Variants in SLC23A2 observed in about 807,000 individuals in gnomAD.
SLC23A2 encodes Na(+)/L-ascorbic acid transporter 2.
SLC23A2 carries 36 observed loss-of-function variants against 73.3 expected under a neutral mutation model. The ratio of observed to expected loss-of-function variants is 0.49; its 90% CI spans 0.38 to 0.65. SLC23A2 has a LOEUF of 0.65. Among genes scored for constraint, SLC23A2 ranks in the 30% least tolerant of loss-of-function variants. SLC23A2 has a pLI of 0.00. For missense variants in SLC23A2, 507 were observed against 841.6 expected, an observed-to-expected ratio of 0.60 and a Z score of 4.92; for synonymous variants, 343 against 327.3, an observed-to-expected ratio of 1.05 and a Z score of -0.52.
chr20:4,958,756 T>C (rs1486253836), intron 2 of SLC23A2, among the ~76,000 whole-genome samples: 2 of 152,094 alleles, frequency 1.3e-5, no homozygotes, highest in African/African-American at 4.8e-5. Context: ...CGCTGTACTA[T>C]ACCATCTCTT....
At chr20:4,882,876 G>C (rs554804379) in intron 9 of SLC23A2, among the ~76,000 whole-genome samples, 64 of 152,280 alleles carry the variant, frequency 4.2e-4, no homozygotes, top group African/African-American at 1.4e-3. Flanking sequence ...TTTAGGAGTT[G>C]TACTGGCTGG....
At chr20:4,963,576 G>C (rs551127605) in intron 2 of SLC23A2, among the ~76,000 whole-genome samples, 4 of 152,064 alleles carry the variant, frequency 2.6e-5, no homozygotes, top group Non-Finnish European at 2.9e-5. Flanking sequence ...GACCAGGCAC[G>C]GTGGCTCACG....
intron 1 of SLC23A2, among the ~76,000 whole-genome samples, chr20:4,978,452 C>T (rs1312801092): frequency 6.6e-6 from 1 of 152,124 alleles, no homozygotes; most frequent in African/African-American, 2.4e-5. Flanking sequence ...GAACTCAAAA[C>T]GAGGACGACC....
Position 4,995,655 on chromosome 20 carries a change from T to A in SLC23A2, c.-282+5751A>T, listed in dbSNP as rs2088007032. 2.0e-5 allele frequency among the ~76,000 whole-genome samples: 3 copies of A among 152,160 alleles called. No individual in the cohort carries two copies. The South Asian group carries it at 6.2e-4, about 31-fold the overall frequency. ...TTCTATCCCAAGTCCCCAAAAGTCA[T>A]CCTGGAACACAGCATGATTAGAGTC... On this transcript the variant is annotated intron_variant, in intron 1 of 16. Coordinates refer to ENST00000338244, the MANE Select transcript of SLC23A2 (RefSeq NM_005116.6).
rs1025230844 is a variant in SLC23A2 at position 4,928,535 on chromosome 20, T to G, written c.108+3920A>C. ...GACACCAAATCATCCTGGGAGCTCATGTTTGGACTCTCTGCCATCTCTATC... is the reference window on the plus strand; with the variant it reads ...GACACCAAATCATCCTGGGAGCTCAGGTTTGGACTCTCTGCCATCTCTATC... On this transcript the variant is annotated intron_variant, in intron 3 of 16. Coordinates refer to ENST00000338244, the MANE Select transcript of SLC23A2 (RefSeq NM_005116.6). Among the ~76,000 whole-genome samples the G allele has an allele frequency of 3.3e-5, 5 of 152,202 alleles. No individual in the cohort carries two copies. In the East Asian group the frequency reaches 9.6e-4, roughly 29 times the overall value.
chr20:4,992,497 T>C (rs1600213631), intron 1 of SLC23A2, among the ~76,000 whole-genome samples: 2 of 133,696 alleles, frequency 1.5e-5, no homozygotes, highest in Middle Eastern at 7.5e-3. Context: ...TAAAAAAAGA[T>C]TGACAGTTTT....
At position 4,947,008 on chromosome 20, in the gene SLC23A2, C is replaced by T. The variant is rs985321319; in HGVS notation, c.-154-14292G>A. Among the ~76,000 whole-genome samples the T allele has an allele frequency of 2.0e-5, 3 of 152,210 alleles. No individual in the cohort carries two copies. The highest frequency in any genetic ancestry group is 4.8e-5 in the African/African-American group (2 of 41,452). ...ATTATAACAAGACCATCTTAAGCCT[C>T]GTCATCCTGGCCATTTCTCCTCAGT... On this transcript the variant is annotated intron_variant, in intron 2 of 16. Coordinates refer to ENST00000338244, the MANE Select transcript of SLC23A2 (RefSeq NM_005116.6). This position sits in a 1 kb window ranked among gnomAD's most constrained non-coding sequence, Gnocchi z 4.4.
At chr20:4,875,879 T>C (rs1930635657) in intron 9 of SLC23A2, among the ~76,000 whole-genome samples, 1 of 152,216 alleles carries the variant, frequency 6.6e-6, no homozygotes, top group Non-Finnish European at 1.5e-5. Context: ...GTTCCAATTG[T>C]TGAGATGGAA....
chr20:4,925,728 C>T (rs1057214182), intron 3 of SLC23A2, among the ~76,000 whole-genome samples: 6 of 152,222 alleles, frequency 3.9e-5, no homozygotes, highest in Admixed American at 6.5e-5. Context: ...CTGTACTCTG[C>T]ACTAAACTTG....
intron 7 of SLC23A2, among the ~76,000 whole-genome samples, chr20:4,885,496 G>T (rs1199612140): frequency 6.6e-6 from 1 of 152,106 alleles, no homozygotes; most frequent in Admixed American, 6.5e-5. Flanking sequence ...ATTACTGGTG[G>T]GTCATAAAAT....
At chr20:4,915,613 G>A (rs1345725412) in intron 3 of SLC23A2, among the ~76,000 whole-genome samples, 2 of 152,158 alleles carry the variant, frequency 1.3e-5, no homozygotes, top group Non-Finnish European at 2.9e-5. Context: ...TCTCATTCAA[G>A]GTCATACAGA....
In SLC23A2 at chr20:4,895,917, G is replaced by A. The variant is rs563142076; in HGVS notation, c.482+3638C>T. ...GGATGGGAACAGCGCATATGCTCAC[G>A]GAGGAGTTGGCCATTTGGGGATTTC... On this transcript the variant is annotated intron_variant, in intron 6 of 16. Coordinates refer to ENST00000338244, the MANE Select transcript of SLC23A2 (RefSeq NM_005116.6). Among the ~76,000 whole-genome samples, 9 of 152,288 alleles carry A rather than the reference G, an allele frequency of 5.9e-5. No homozygotes were observed. In the East Asian group the frequency reaches 1.2e-3, roughly 20 times the overall value.
chr20:4,909,323 G>A (rs931747050), intron 4 of SLC23A2, among the ~76,000 whole-genome samples: 3 of 152,130 alleles, frequency 2.0e-5, no homozygotes, highest in Non-Finnish European at 4.4e-5. Flanking sequence ...TTCAGATATT[G>A]GAACATTGCA....
At chr20:4,991,857 AG>A (rs1467521411) in intron 1 of SLC23A2, among the ~76,000 whole-genome samples, 2 of 152,172 alleles carry the variant, frequency 1.3e-5, no homozygotes, top group African/African-American at 4.8e-5. Flanking sequence ...AAAGATGACA[AG>A]TCTCCCCAAA....
At chr20:4,908,936 A>G (rs1310580901) in intron 4 of SLC23A2, among the ~76,000 whole-genome samples, 1 of 152,188 alleles carries the variant, frequency 6.6e-6, no homozygotes, top group East Asian at 1.9e-4. Flanking sequence ...TATCTCAAAA[A>G]ACATTGTACT....
In SLC23A2 at chr20:4,885,826, G is replaced by T. The variant is rs1190842667; in HGVS notation, c.566C>A (p.Thr189Asn). 8 of 1,606,462 alleles carry T rather than the reference G, an allele frequency of 5.0e-6. No individual in the cohort carries two copies. The highest frequency in any genetic ancestry group is 1.6e-4 in the Middle Eastern group (1 of 6,070). The change falls in exon 7 of 17, where the codon ACC becomes AAC. Residue 189 changes from threonine to asparagine, a missense_variant. By Grantham distance (65) the Thr-to-Asn change is moderately conservative. This residue lies in a region of SLC23A2 where 217 missense variants were observed against 398.0 expected (regional missense o/e 0.55). Transcript: ENST00000338244. ...ILSLDKWKCN[T>N]TDVSVANGTA... ...GTGGAAATAACTGCAATTACCTGTG[G>T]TGTTACATTTCCATTTATCTAAAGA...
At chr20:4,925,813 C>A (rs1932652375) in intron 3 of SLC23A2, among the ~76,000 whole-genome samples, 1 of 152,184 alleles carries the variant, frequency 6.6e-6, no homozygotes, top group Non-Finnish European at 1.5e-5. Context: ...ACCTACTATA[C>A]CTAGACATTT....
At chr20:4,982,311 TG>T in intron 1 of SLC23A2, among the ~76,000 whole-genome samples, 1 of 152,282 alleles carries the variant, frequency 6.6e-6, no homozygotes, top group East Asian at 1.9e-4. Flanking sequence ...TTTCTTAATT[TG>T]AAAAAATGGA....
intron 6 of SLC23A2, among the ~76,000 whole-genome samples, chr20:4,887,394 C>G (rs1481473079): frequency 2.0e-5 from 3 of 152,234 alleles, no homozygotes; most frequent in Non-Finnish European, 4.4e-5. Flanking sequence ...ACCATGGTTT[C>G]AGACTTCAAC....
Sources: allele counts gnomAD v4.1 joint callset (sites outside exome capture counted in the v4.1 genomes callset), GRCh38; gene constraint gnomAD v4.1.1; regional missense constraint gnomAD v4.1.1; non-coding constraint Gnocchi (gnomAD v3.1); transcripts MANE v1.5; gene names NCBI Gene and HGNC (gene_info 2026-07-23, HGNC 2026-07-21).